The following G6PC2 variants were observed in gnomAD, a reference collection of about 807,000 sequenced individuals.
G6PC2 encodes glucose-6-phosphatase catalytic subunit 2.
Under a neutral mutation model 35.4 loss-of-function variants are expected in G6PC2, and 41 were observed. That is an observed-to-expected ratio of 1.16 (90% CI 0.90 to 1.50). G6PC2 has a LOEUF of 1.50. G6PC2 is among the 40% of genes most tolerant of loss of function. G6PC2 has a pLI of 0.00. For synonymous variants in G6PC2, 165 were observed against 153.2 expected (o/e 1.08, Z -0.57); for missense variants, 441 against 426.5 (o/e 1.03, Z -0.30).
At position 168,907,608 on chromosome 2, in the gene G6PC2, C is replaced by G. The variant is rs779527018; in HGVS notation, c.597C>G (p.Ile199Met). ...VAEAFEHTPG[I>M]QTASLGTYLK... ...AGGCCTTTGAACACACTCCAGGCATCCAAACGGCCAGTCTGGGCACATACC... is the reference window on the plus strand; with the variant it reads ...AGGCCTTTGAACACACTCCAGGCATGCAAACGGCCAGTCTGGGCACATACC... Residue 199 changes from isoleucine (I) to methionine (M), a missense_variant, in exon 5 of 5, where the codon ATC becomes ATG. Ile to Met is a conservative substitution (Grantham distance 10, BLOSUM62 1). Coordinates refer to ENST00000375363, the MANE Select transcript of G6PC2 (RefSeq NM_021176.3). 6.2e-7 allele frequency: 1 copy of G among 1,613,834 alleles called. No individual in the cohort carries two copies. The highest frequency in any genetic ancestry group is 8.5e-7 in the Non-Finnish European group (1 of 1,179,852).
rs571561541 is a variant in G6PC2, at chr2:168,904,521, T to G, written c.345T>G (p.His115Gln). The G allele has an allele frequency of 1.2e-6, 2 of 1,604,096 alleles. No homozygotes were observed. The highest frequency in any genetic ancestry group is 1.7e-6 in the Non-Finnish European group (2 of 1,170,836). ...TTGTTGCAGGAAGTCCATCTGGCCA[T>G]GCAATGGGCGCATCCTGTGTCTGGT... Reference protein sequence around the residue: ...CETGPGSPSGHAMGASCVWYV... With the variant: ...CETGPGSPSGQAMGASCVWYV... Residue 115 changes from histidine to glutamine, a missense_variant, in exon 3 of 5, where the codon CAT (histidine) becomes CAG (glutamine). His to Gln is a conservative substitution (Grantham distance 24). Transcript: ENST00000375363.
Position 168,908,441 on chromosome 2 carries a change from T to G in G6PC2, c.*362T>G. On this transcript the variant is annotated 3_prime_UTR_variant, in exon 5 of 5. Coordinates refer to ENST00000375363, the MANE Select transcript of G6PC2 (RefSeq NM_021176.3). ...CTCCATTTTCTCACAGTCTTCAGCA[T>G]CCCAGCAGGAGCCCCACTATGATTC... The G allele has an allele frequency of 3.1e-6, 1 of 323,636 alleles. No homozygotes were observed. The highest frequency in any genetic ancestry group is 5.7e-6 in the Non-Finnish European group (1 of 173,968). 20.0% of individuals were successfully genotyped at this position (323,636 alleles called of 1,614,324 possible). A position where few individuals can be genotyped will look rare whatever the true frequency, so the allele number is the denominator to read the frequency against.
chr2:168,904,115 T>TGAA (rs1336503374), intron 2 of G6PC2, among the ~76,000 whole-genome samples: 1 of 151,880 alleles, frequency 6.6e-6, no homozygotes, highest in Non-Finnish European at 1.5e-5. Context: ...TTTTTGCCAT[T>TGAA]ACTTTCAATG....
chr2:168,904,222 G>A (rs576755569), intron 2 of G6PC2, among the ~76,000 whole-genome samples: 1 of 152,126 alleles, frequency 6.6e-6, no homozygotes, highest in Admixed American at 6.5e-5. Flanking sequence ...TGGCAGATTT[G>A]GGTGCAACTG....
At chr2:168,901,736 T>TG (rs1690599449) in intron 1 of G6PC2, among the ~76,000 whole-genome samples, 187 bp downstream of exon 1, 1 of 91,652 alleles carries the variant, frequency 1.1e-5, no homozygotes, top group African/African-American at 5.3e-5. Context: ...TATATGTTTT[T>TG]GTTTTTTTTT....
Position 168,901,344 on chromosome 2 carries a change from C to G in G6PC2, c.13C>G (p.His5Asp), listed in dbSNP as rs1370237922. ...CCTCTTTTTCAAGATGGATTTCCTTCACAGGAATGGAGTGCTCATAATTCA... is the reference window on the plus strand; with the variant it reads ...CCTCTTTTTCAAGATGGATTTCCTTGACAGGAATGGAGTGCTCATAATTCA... MDFL[H>D]RNGVLIIQHL... Residue 5 changes from histidine to aspartate, a missense_variant, in exon 1 of 5, where the codon CAC (histidine) becomes GAC (aspartate). By Grantham distance (81) the His-to-Asp change is moderately conservative (BLOSUM62 -1). Transcript: ENST00000375363. The G allele has an allele frequency of 1.9e-6, 3 of 1,581,674 alleles. No individual in the cohort carries two copies. The highest frequency in any genetic ancestry group is 2.6e-6 in the Non-Finnish European group (3 of 1,150,504).
Position 168,907,713 on chromosome 2 carries a change from G to C in G6PC2, c.702G>C (p.Trp234Cys). 6.2e-7 allele frequency: 1 copy of C among 1,614,094 alleles called. No individual in the cohort carries two copies. Residue 234 changes from tryptophan to cysteine, a missense_variant, in exon 5 of 5, where the codon TGG becomes TGC. Trp to Cys is a radical substitution (Grantham distance 215, BLOSUM62 -2). Coordinates refer to ENST00000375363, the MANE Select transcript of G6PC2 (RefSeq NM_021176.3). ...GGGTGCTCAACATTGACCTGCTGTG[G>C]TCCGTGCCCATAGCCAAAAAGTGGT... ...LLRVLNIDLL[W>C]SVPIAKKWCA...
Position 168,907,917 on chromosome 2 carries a change from A to G in G6PC2, c.906A>G (p.Thr302=), listed in dbSNP as rs771693835. Residue 302 remains threonine, a synonymous_variant, in exon 5 of 5, where the codon ACA becomes ACG. Transcript: ENST00000375363. ...FRLLCALTSL[T]ILQLYHFLQI... Reference sequence around the variant, plus strand: ...TGCTCTGTGCCTTGACCTCATTGACAATACTGCAGCTCTACCATTTCCTCC... The same window carrying G: ...TGCTCTGTGCCTTGACCTCATTGACGATACTGCAGCTCTACCATTTCCTCC... 4.3e-6 allele frequency: 7 copies of G among 1,614,140 alleles called. No homozygotes were observed. In the Admixed American group the frequency reaches 1.2e-4, roughly 27 times the overall value.
intron 3 of G6PC2, among the ~76,000 whole-genome samples, chr2:168,905,536 C>G (rs893471633): frequency 3.9e-5 from 6 of 151,962 alleles, no homozygotes; most frequent in African/African-American, 1.5e-4. Flanking sequence ...ATTGCCCAAC[C>G]CAAAACAACA....
intron 2 of G6PC2, 132 bp downstream of exon 2, chr2:168,902,686 A>G (rs1044474415): frequency 2.4e-5 from 16 of 677,684 alleles, no homozygotes; most frequent in Non-Finnish European, 4.3e-5. Context: ...CTAAAACTTC[A>G]TAACAATCAA....
rs191279338 is a variant in G6PC2, at chr2:168,904,531, G to T, written c.355G>T (p.Ala119Ser). 20 of 1,608,920 alleles carry T rather than the reference G, an allele frequency of 1.2e-5. No individual in the cohort carries two copies. In the Admixed American group the frequency reaches 2.0e-4, roughly 16 times the overall value. ...PGSPSGHAMG[A>S]SCVWYVMVTA... Reference sequence around the variant, plus strand: ...AAGTCCATCTGGCCATGCAATGGGCGCATCCTGTGTCTGGTATGTCATGGT... The same window carrying T: ...AAGTCCATCTGGCCATGCAATGGGCTCATCCTGTGTCTGGTATGTCATGGT... The change falls in exon 3 of 5, where the codon GCA (alanine) becomes TCA (serine). Residue 119 changes from alanine (A) to serine (S), a missense_variant. Physicochemically the swap from Ala to Ser is moderately conservative, Grantham distance 99. Coordinates refer to ENST00000375363, the MANE Select transcript of G6PC2 (RefSeq NM_021176.3).
Position 168,904,485 on chromosome 2 carries a change from C to T in G6PC2, c.329-20C>T, listed in dbSNP as rs368489779. 48 of 1,291,148 alleles carry T rather than the reference C, an allele frequency of 3.7e-5. 1 individual carries two copies. The highest frequency in any genetic ancestry group is 2.5e-4 in the South Asian group (21 of 84,576). 80.0% of individuals were successfully genotyped at this position (1,291,148 alleles called of 1,614,324 possible). ...GATAGTTAACCACTTTTCAAATGGA[C>T]GGACACTTTGTTGTTGCAGGAAGTC... On this transcript the variant is annotated intron_variant, in intron 2 of 4. Coordinates refer to ENST00000375363, the MANE Select transcript of G6PC2 (RefSeq NM_021176.3).
chr2:168,907,826 CA>C lies in G6PC2; in HGVS notation c.817del (p.Ile273SerfsTer8). ...NLGVLFGLGF[A>X]INSEMFLLSC... is the part of the protein sequence containing the mutation. ...GGGGTCCTCTTTGGCTTGGGCTTTG[CA>C]ATCAACTCAGAGATGTTCCTCCTGA... On this transcript the variant is annotated frameshift_variant, in exon 5 of 5. Coordinates refer to ENST00000375363, the MANE Select transcript of G6PC2 (RefSeq NM_021176.3). LOFTEE classifies it high-confidence loss of function. 1 of 1,614,072 alleles carries C rather than the reference CA, an allele frequency of 6.2e-7. No individual in the cohort carries two copies. The highest frequency in any genetic ancestry group is 8.5e-7 in the Non-Finnish European group (1 of 1,179,990).
At chr2:168,906,819 G>T (rs1161623829) in intron 4 of G6PC2, 40 bp downstream of exon 4, 2 of 987,306 alleles carry the variant, frequency 2.0e-6, no homozygotes, top group African/African-American at 1.6e-5. Flanking sequence ...TCCTTTGAAA[G>T]CTTTAGTTTC....
chr2:168,908,238 T>TAAAAAA lies in G6PC2; in HGVS notation c.*159_*160insAAAAAA, dbSNP rs1462044190. ...GAGATGTTTAGTTTGGCCTTCGCAC[T>TAAAAAA]GGTCTTTTTTTTTAATCCTTCAGTT... On this transcript the variant is annotated 3_prime_UTR_variant, in exon 5 of 5. Transcript: ENST00000375363. The TAAAAAA allele has an allele frequency of 1.2e-5, 8 of 644,856 alleles. No individual in the cohort carries two copies. In the African/African-American group the frequency reaches 1.3e-4, roughly 10 times the overall value. The allele number at this position is 644,856 out of a possible 1,614,324, so 39.9% of individuals were successfully genotyped here. A position where few individuals can be genotyped will look rare whatever the true frequency, so the allele number is the denominator to read the frequency against.
Position 168,906,690 on chromosome 2 carries a change from T to G in G6PC2, c.467T>G (p.Val156Gly). 1.3e-6 allele frequency: 2 copies of G among 1,595,092 alleles called. No individual in the cohort carries two copies. The highest frequency in any genetic ancestry group is 2.2e-5 in the South Asian group (2 of 90,750). Residue 156 changes from valine to glycine, a missense_variant, in exon 4 of 5, where the codon GTT becomes GGT. Val to Gly is a moderately radical substitution (Grantham distance 109, BLOSUM62 -3). Transcript: ENST00000375363. ...CTGACCTGGTCATTTCTTTGGAGTG[T>G]TTTTTGGTTGATTCAAATCAGTGTC... ...HRLTWSFLWS[V>G]FWLIQISVCI...
chr2:168,903,789 G>A (rs1690651949), intron 2 of G6PC2, among the ~76,000 whole-genome samples: 1 of 152,156 alleles, frequency 6.6e-6, no homozygotes, highest in African/African-American at 2.4e-5. Context: ...AAAAATCGAG[G>A]AGGACATTTA....
chr2:168,904,618 T>G lies in G6PC2; in HGVS notation c.440+2T>G. Reference sequence around the variant, plus strand: ...TAAGTTCTCTATCACTCTGCACAGGTCAGCTTTGCTGCAGTTTCTGTAGCA... The same window carrying G: ...TAAGTTCTCTATCACTCTGCACAGGGCAGCTTTGCTGCAGTTTCTGTAGCA... On this transcript the variant is annotated splice_donor_variant, in intron 3 of 4. Transcript: ENST00000375363. LOFTEE classifies it high-confidence loss of function. 6.8e-7 allele frequency: 1 copy of G among 1,480,824 alleles called. No individual in the cohort carries two copies. The highest frequency in any genetic ancestry group is 9.5e-7 in the Non-Finnish European group (1 of 1,058,108). 91.7% of individuals were successfully genotyped at this position (1,480,824 alleles called of 1,614,324 possible). A position where few individuals can be genotyped will look rare whatever the true frequency, so the allele number is the denominator to read the frequency against.
chr2:168,904,453 TG>T, intron 2 of G6PC2, 51 bp from the exon 3 acceptor site: 1 of 905,492 alleles, frequency 1.1e-6, no homozygotes, highest in Non-Finnish European at 1.9e-6. Flanking sequence ...TATTCATTTC[TG>T]ATCTTGATAG....
Sources: allele counts gnomAD v4.1 joint callset (sites outside exome capture counted in the v4.1 genomes callset), GRCh38; gene constraint gnomAD v4.1.1; transcripts MANE v1.5; gene names NCBI Gene and HGNC (gene_info 2026-07-23, HGNC 2026-07-21).